Variants in ATP6V1C1 observed in about 807,000 individuals in gnomAD.
ATP6V1C1 encodes V-type proton ATPase subunit C 1.
In ATP6V1C1, 45 loss-of-function variants were observed where a neutral mutation model predicts 53.9. That is an observed-to-expected ratio of 0.83 (90% confidence interval 0.66 to 1.07). The LOEUF (loss-of-function observed/expected upper bound fraction) is 1.07, where lower values mean the gene tolerates loss of function less well. ATP6V1C1 is among the 50% of genes least tolerant of loss of function. The probability of loss-of-function intolerance (pLI) is 0.00; values close to 1 mark genes in which losing one functional copy is unlikely to be tolerated. For synonymous variants in ATP6V1C1, 153 were observed against 155.2 expected (o/e 0.99, Z 0.11); for missense variants, 315 against 440.3 (o/e 0.72, Z 2.55).
intron 3 of ATP6V1C1, among the ~76,000 whole-genome samples, chr8:103,046,851 A>G (rs561558875): frequency 2.2e-4 from 34 of 152,344 alleles, no homozygotes; most frequent in African/African-American, 6.0e-4. Context: ...CATTGTGTAC[A>G]TTGACACAGA....
chr8:103,040,428 G>GT (rs2131388505), intron 1 of ATP6V1C1, among the ~76,000 whole-genome samples: 1 of 148,108 alleles, frequency 6.8e-6, no homozygotes, highest in Non-Finnish European at 1.5e-5. Context: ...AAAAAAAAAA[G>GT]TTTAAGATAA....
intron 1 of ATP6V1C1, among the ~76,000 whole-genome samples, chr8:103,035,516 T>C (rs1261795689): frequency 6.6e-6 from 1 of 152,108 alleles, no homozygotes; most frequent in Non-Finnish European, 1.5e-5. Context: ...GAGTGCGTAG[T>C]AGGGGCATTT....
chr8:103,063,008 A>G lies in ATP6V1C1; in HGVS notation c.695A>G (p.Lys232Arg), dbSNP rs1266476339. The G allele has an allele frequency of 6.2e-7, 1 of 1,613,938 alleles. No homozygotes were observed. Among genetic ancestry groups the G allele is most frequent in the Admixed American group, 1.7e-5 (1 of 60,016 alleles). Residue 232 changes from lysine to arginine, a missense_variant, in exon 9 of 13, where the codon AAG becomes AGG. Lys to Arg is a conservative substitution (Grantham distance 26, BLOSUM62 2). Coordinates refer to ENST00000518738, the MANE Select transcript of ATP6V1C1 (RefSeq NM_001695.5). ...SYLCNVTLFR[K>R]AVDDFRHKAR... ...CTGTGTAATGTCACCTTGTTTAGGA[A>G]GGCAGTTGATGACTTCAGACACAAA...
At chr8:103,065,431 G>A (rs564860564) in intron 11 of ATP6V1C1, among the ~76,000 whole-genome samples, 1 of 152,268 alleles carries the variant, frequency 6.6e-6, no homozygotes, top group Admixed American at 6.5e-5. Context: ...GCACGCGCCT[G>A]TAGTGCTGGC....
chr8:103,022,904 C>G (rs779729415), intron 1 of ATP6V1C1, among the ~76,000 whole-genome samples: 1 of 151,918 alleles, frequency 6.6e-6, no homozygotes, highest in Non-Finnish European at 1.5e-5. Context: ...AAAAAAATAA[C>G]TAGCTGGGAG....
chr8:103,029,694 C>A lies in ATP6V1C1; in HGVS notation c.-40+8469C>A, dbSNP rs188941073. Among the ~76,000 whole-genome samples, 348 of 152,180 alleles carry A rather than the reference C, an allele frequency of 2.3e-3. 3 individuals carry two copies. Among genetic ancestry groups the A allele is most frequent in the African/African-American group, 8.0e-3 (332 of 41,530 alleles). On this transcript the variant is annotated intron_variant, in intron 1 of 12. Coordinates refer to ENST00000518738, the MANE Select transcript of ATP6V1C1 (RefSeq NM_001695.5). ...ATTTTAGATATTTTATTAATGATGACAAATTGTTACAGCTGTATTCATGCT... is the reference window on the plus strand; with the variant it reads ...ATTTTAGATATTTTATTAATGATGAAAAATTGTTACAGCTGTATTCATGCT...
intron 3 of ATP6V1C1, among the ~76,000 whole-genome samples, chr8:103,047,993 T>C (rs1396707146): frequency 2.0e-5 from 3 of 152,184 alleles, no homozygotes; most frequent in South Asian, 4.1e-4. Context: ...TTTTAAGCAA[T>C]GTGTGAAGGT....
chr8:103,033,171 G>A (rs1563601343), intron 1 of ATP6V1C1, among the ~76,000 whole-genome samples: 2 of 152,176 alleles, frequency 1.3e-5, no homozygotes, highest in African/African-American at 4.8e-5. Flanking sequence ...ATTTGCCCAG[G>A]GCTGGCAGTG....
In ATP6V1C1 at chr8:103,063,217, A is replaced by G; in HGVS notation, c.817A>G (p.Lys273Glu). The change falls in exon 10 of 13, where the codon AAA becomes GAA. Residue 273 changes from lysine to glutamate, a missense_variant. Physicochemically the swap from Lys to Glu is moderately conservative, Grantham distance 56 (BLOSUM62 1). Transcript: ENST00000518738. ...AATGAACAGGCTTTCTACTGATAAG[A>G]AAAAACAATTTGTATGTGTTTTTAA... ...EEMNRLSTDK[K>E]KQFGPLVRWL... 1 of 1,594,868 alleles carries G rather than the reference A, an allele frequency of 6.3e-7. No individual in the cohort carries two copies. The highest frequency in any genetic ancestry group is 8.6e-7 in the Non-Finnish European group (1 of 1,165,454).
At chr8:103,050,545 A>G (rs934123829) in intron 4 of ATP6V1C1, among the ~76,000 whole-genome samples, 1 of 152,116 alleles carries the variant, frequency 6.6e-6, no homozygotes, top group Non-Finnish European at 1.5e-5. Context: ...GTATTTTTTT[A>G]GCTCTACATG....
intron 2 of ATP6V1C1, among the ~76,000 whole-genome samples, chr8:103,041,428 C>G (rs1306974540): frequency 1.3e-5 from 2 of 152,174 alleles, no homozygotes; most frequent in African/African-American, 4.8e-5. Flanking sequence ...TATCAAAGAT[C>G]AGTCATCTAG....
chr8:103,043,884 C>G (rs1462402602), intron 3 of ATP6V1C1, among the ~76,000 whole-genome samples: 1 of 151,744 alleles, frequency 6.6e-6, no homozygotes, highest in African/African-American at 2.4e-5. Flanking sequence ...TGTGAGTTGT[C>G]TTCATTTTCT....
chr8:103,039,725 T>C (rs1006937283), intron 1 of ATP6V1C1, among the ~76,000 whole-genome samples: 1 of 151,972 alleles, frequency 6.6e-6, no homozygotes, highest in African/African-American at 2.4e-5. Flanking sequence ...CTTCTGTGTG[T>C]GTGGGAAGGG....
intron 1 of ATP6V1C1, among the ~76,000 whole-genome samples, chr8:103,031,320 A>G (rs955771048): frequency 1.3e-5 from 2 of 152,212 alleles, no homozygotes; most frequent in Non-Finnish European, 2.9e-5. Context: ...TTGTTGCCAT[A>G]AAGGAATCTG....
intron 4 of ATP6V1C1, among the ~76,000 whole-genome samples, chr8:103,050,508 C>T (rs1394418629): frequency 2.0e-5 from 3 of 152,176 alleles, no homozygotes; most frequent in Non-Finnish European, 4.4e-5. Flanking sequence ...ACTTTGACTA[C>T]TAAACTTCCA....
At chr8:103,067,936 T>C (rs1817523887) in intron 12 of ATP6V1C1, among the ~76,000 whole-genome samples, 1 of 152,356 alleles carries the variant, frequency 6.6e-6, no homozygotes, top group African/African-American at 2.4e-5. Context: ...GGTATAATTA[T>C]TTGATACATA....
chr8:103,040,824 C>A lies in ATP6V1C1; in HGVS notation c.-13C>A. ...ATCTCTCTTGATTTTTGAGGAAATA[C>A]CTAGTAACAAACATGACTGAGTTCT... is the stretch of plus-strand genomic sequence containing the variant. On this transcript the variant is annotated 5_prime_UTR_variant, in exon 2 of 13. Transcript: ENST00000518738. The A allele has an allele frequency of 6.2e-7, 1 of 1,606,938 alleles. No individual in the cohort carries two copies. Among genetic ancestry groups the A allele is most frequent in the Non-Finnish European group, 8.5e-7 (1 of 1,177,018 alleles).
intron 8 of ATP6V1C1, among the ~76,000 whole-genome samples, chr8:103,058,267 G>A (rs577889803): frequency 4.6e-5 from 7 of 152,216 alleles, no homozygotes; most frequent in Non-Finnish European, 1.0e-4. Context: ...TCTTCCGAGA[G>A]CTTCCAGCCT....
chr8:103,049,030 T>C lies in ATP6V1C1; in HGVS notation c.286+75T>C, dbSNP rs571619016. 2.9e-6 allele frequency: 4 copies of C among 1,380,308 alleles called. No homozygotes were observed. The Admixed American group carries it at 5.8e-5, about 20-fold the overall frequency. 85.5% of individuals were successfully genotyped at this position (1,380,308 alleles called of 1,614,324 possible). A position where few individuals can be genotyped will look rare whatever the true frequency, so the allele number is the denominator to read the frequency against. On this transcript the variant is annotated intron_variant, in intron 4 of 12. Coordinates refer to ENST00000518738, the MANE Select transcript of ATP6V1C1 (RefSeq NM_001695.5). Reference sequence around the variant, plus strand: ...ACTAAGCTACAGAAACAAAAAGTAATGTAAAAAAGTCTACAGAAAAGGACA... The same window carrying C: ...ACTAAGCTACAGAAACAAAAAGTAACGTAAAAAAGTCTACAGAAAAGGACA...
Sources: allele counts gnomAD v4.1 joint callset (sites outside exome capture counted in the v4.1 genomes callset), GRCh38; gene constraint gnomAD v4.1.1; transcripts MANE v1.5; gene names NCBI Gene and HGNC (gene_info 2026-07-23, HGNC 2026-07-21).